Variants in OLFM3 observed in about 807,000 individuals in gnomAD.
OLFM3 encodes the protein noelin-3.
In OLFM3, 20 loss-of-function variants were observed where a neutral mutation model predicts 48.6. That is an observed-to-expected ratio of 0.41 (90% CI 0.29 to 0.60). The LOEUF (loss-of-function observed/expected upper bound fraction) is 0.60. Ranked by LOEUF, OLFM3 falls within the 20% of genes least tolerant of loss-of-function variation. OLFM3 has a pLI of 0.28. For missense variants in OLFM3, 437 were observed against 544.3 expected, an observed-to-expected ratio of 0.80 and a Z score of 1.96; for synonymous variants, 222 against 198.1, an observed-to-expected ratio of 1.12 and a Z score of -1.01.
chr1:101,948,911 TA>T (rs1312154629), intron 1 of OLFM3, among the ~76,000 whole-genome samples: 1 of 148,818 alleles, frequency 6.7e-6, no homozygotes, highest in Non-Finnish European at 1.5e-5. Context: ...TGCTTATATA[TA>T]ATAAAATAAA....
chr1:101,982,138 G>C lies in OLFM3; in HGVS notation c.69+14610C>G, dbSNP rs573749165. On this transcript the variant is annotated intron_variant, in intron 1 of 5. Transcript: ENST00000370103. ...TTTGGGGGAAACCTCCCCAACAACA[G>C]ACTTATTATAAAAGAATTTATACAA... 2.2e-4 allele frequency among the ~76,000 whole-genome samples: 34 copies of C among 152,208 alleles called. No individual in the cohort carries two copies. In the East Asian group the frequency reaches 6.6e-3, roughly 29 times the overall value.
At chr1:101,921,901 T>C (rs1434956328) in intron 1 of OLFM3, among the ~76,000 whole-genome samples, 1 of 151,864 alleles carries the variant, frequency 6.6e-6, no homozygotes, top group Non-Finnish European at 1.5e-5. Context: ...CTACCAAAAA[T>C]ACAAAAAATT....
At chr1:101,967,061 T>C (rs6577297) in intron 1 of OLFM3, among the ~76,000 whole-genome samples, 121,922 of 152,078 alleles carry the variant, frequency 0.8, 49,093 homozygotes, top group East Asian at 0.96. Flanking sequence ...AGTTGCTATT[T>C]ATATTAAACT....
chr1:101,956,695 T>C lies in OLFM3; in HGVS notation c.69+40053A>G, dbSNP rs185625422. On this transcript the variant is annotated intron_variant, in intron 1 of 5. Transcript: ENST00000370103. Reference sequence around the variant, plus strand: ...ACTTACTATAATGTCAATGGAAAGCTTGATATTTTGAATAGCACTTAGTAG... The same window carrying C: ...ACTTACTATAATGTCAATGGAAAGCCTGATATTTTGAATAGCACTTAGTAG... Among the ~76,000 whole-genome samples, 22 of 152,014 alleles carry C rather than the reference T, an allele frequency of 1.4e-4. No homozygotes were observed. In the East Asian group the frequency reaches 3.9e-3, roughly 27 times the overall value.
At chr1:101,869,363 G>T (rs1656982220) in intron 1 of OLFM3, among the ~76,000 whole-genome samples, 1 of 152,078 alleles carries the variant, frequency 6.6e-6, no homozygotes, top group East Asian at 1.9e-4. Flanking sequence ...GAACTTTCTG[G>T]TTTAATGACT....
chr1:101,965,863 G>A (rs1179873726), intron 1 of OLFM3, among the ~76,000 whole-genome samples: 1 of 152,166 alleles, frequency 6.6e-6, no homozygotes, highest in East Asian at 1.9e-4. Flanking sequence ...AGGGAAAGGG[G>A]CTGATCATTG....
chr1:101,914,845 A>G (rs1380663108), intron 1 of OLFM3, among the ~76,000 whole-genome samples: 1 of 152,218 alleles, frequency 6.6e-6, no homozygotes, highest in Non-Finnish European at 1.5e-5. Context: ...ATCTATAAAA[A>G]CATATTTGAC....
intron 1 of OLFM3, among the ~76,000 whole-genome samples, chr1:101,975,757 G>A (rs188585848): frequency 2.0e-5 from 3 of 152,236 alleles, no homozygotes; most frequent in East Asian, 1.9e-4. Flanking sequence ...GTAAGGGGAA[G>A]GTAGCAGAAT....
At chr1:101,956,189 C>T (rs2101077365) in intron 1 of OLFM3, among the ~76,000 whole-genome samples, 1 of 150,064 alleles carries the variant, frequency 6.7e-6, no homozygotes, top group African/African-American at 2.5e-5. Context: ...CTTTACAGTG[C>T]TACCATAGCA....
intron 3 of OLFM3, among the ~76,000 whole-genome samples, chr1:101,830,211 A>G (rs1434434600): frequency 1.3e-5 from 2 of 151,924 alleles, no homozygotes; most frequent in Non-Finnish European, 2.9e-5. Context: ...TTTTTTCTCC[A>G]TTTTCAGTAT....
intron 1 of OLFM3, among the ~76,000 whole-genome samples, chr1:101,931,872 C>T (rs904298295): frequency 1.3e-5 from 2 of 152,150 alleles, no homozygotes; most frequent in African/African-American, 4.8e-5. Flanking sequence ...ATACTTATGG[C>T]AATTTATCTT....
chr1:101,915,881 T>G (rs1350925933), intron 1 of OLFM3, among the ~76,000 whole-genome samples: 1 of 152,190 alleles, frequency 6.6e-6, no homozygotes. Context: ...ATTACCCGTA[T>G]TAGCACAGCT....
At chr1:101,830,594 TCTAGCTGAGTGCCCCA>T in intron 3 of OLFM3, 62 bp downstream of exon 3, 2 of 1,485,930 alleles carry the variant, frequency 1.3e-6, no homozygotes, top group South Asian at 2.3e-5. Context: ...CACATTCATT[TCTAGCTGAGTGCCCCA>T]CTGCTGTCCA....
intron 1 of OLFM3, among the ~76,000 whole-genome samples, chr1:101,908,508 T>G (rs1658631921): frequency 6.6e-6 from 1 of 152,182 alleles, no homozygotes; most frequent in African/African-American, 2.4e-5. Context: ...AGATGCATTT[T>G]GAATATTTGT....
In OLFM3 at chr1:101,804,878, A is replaced by G. The variant is rs1297515628; in HGVS notation, c.737T>C (p.Val246Ala). 7 of 1,611,862 alleles carry G rather than the reference A, an allele frequency of 4.3e-6. No homozygotes were observed. The highest frequency in any genetic ancestry group is 5.9e-6 in the Non-Finnish European group (7 of 1,178,822). ...YMDSYTNNKIVREYKSIADFV... is the reference protein window; with the variant it reads ...YMDSYTNNKIAREYKSIADFV... ...GTCTGCAATTGATTTGTATTCACGA[A>G]CAATTTTATTGTTAGTATAACTGTC... The change falls in exon 6 of 6, where the codon GTT becomes GCT. Residue 246 changes from valine (V) to alanine (A), a missense_variant. Coordinates refer to ENST00000370103, the MANE Select transcript of OLFM3 (RefSeq NM_058170.4). This position sits in a 1 kb window ranked among gnomAD's most constrained non-coding sequence, Gnocchi z 4.5.
intron 1 of OLFM3, among the ~76,000 whole-genome samples, chr1:101,972,164 T>A (rs1370188844): frequency 6.6e-6 from 1 of 152,190 alleles, no homozygotes; most frequent in African/African-American, 2.4e-5. Context: ...TCTTCCTTTG[T>A]GAAAGTAATG....
chr1:101,816,238 AG>A (rs1654332168), intron 4 of OLFM3, among the ~76,000 whole-genome samples: 1 of 152,186 alleles, frequency 6.6e-6, no homozygotes, highest in Non-Finnish European at 1.5e-5. Flanking sequence ...CAGCTATAAA[AG>A]ATTCTTTCAA....
chr1:101,902,605 G>A (rs556487821), intron 1 of OLFM3, among the ~76,000 whole-genome samples: 1 of 152,094 alleles, frequency 6.6e-6, no homozygotes, highest in Non-Finnish European at 1.5e-5. Flanking sequence ...TCTCAGTCAG[G>A]TGTACAAAGA....
chr1:101,974,466 A>G (rs946078723), intron 1 of OLFM3, among the ~76,000 whole-genome samples: 1 of 152,138 alleles, frequency 6.6e-6, no homozygotes, highest in Non-Finnish European at 1.5e-5. Flanking sequence ...TGATACCTTA[A>G]TTGGACCAGT....
Sources: gnomAD v4.1 joint callset for allele counts (sites outside exome capture counted in the v4.1 genomes callset) on GRCh38, gnomAD v4.1.1 for gene constraint, Gnocchi (gnomAD v3.1) non-coding constraint, MANE v1.5 for transcripts, NCBI Gene and HGNC (gene_info 2026-07-23, HGNC 2026-07-21) for gene names.